Variants in DNAI1 observed in about 807,000 individuals in gnomAD.
DNAI1 encodes the protein dynein axonemal intermediate chain 1.
Under a neutral mutation model 92.0 loss-of-function variants are expected in DNAI1, and 67 were observed. That is an observed-to-expected ratio of 0.73 (90% CI 0.60 to 0.89). The LOEUF (loss-of-function observed/expected upper bound fraction) is 0.89, where lower values mean the gene tolerates loss of function less well. Among genes scored for constraint, DNAI1 ranks in the 40% least tolerant of loss-of-function variants. DNAI1 has a pLI of 0.00. For synonymous variants in DNAI1, 323 were observed against 319.6 expected (o/e 1.01, Z -0.11); for missense variants, 839 against 866.6 (o/e 0.97, Z 0.40).
At chr9:34,469,912 G>A (rs1363123432) in intron 1 of DNAI1, among the ~76,000 whole-genome samples, 1 of 152,094 alleles carries the variant, frequency 6.6e-6, no homozygotes, top group Non-Finnish European at 1.5e-5. Flanking sequence ...ACAGATGACT[G>A]TTTAAAGCAA....
At chr9:34,509,427 T>C (rs1329292160) in intron 13 of DNAI1, among the ~76,000 whole-genome samples, 1 of 152,106 alleles carries the variant, frequency 6.6e-6, no homozygotes, top group African/African-American at 2.4e-5. Context: ...GAAGCCCATA[T>C]TAAAAAGATG....
In DNAI1 at chr9:34,501,138, G is replaced by T; in HGVS notation, c.1020G>T (p.Trp340Cys). ...AKRLSVTALC[W>C]NPKYRDLFAV... Reference sequence around the variant, plus strand: ...AATGGATTCATATTTTTTTTTGCAGGAATCCAAAGTACAGGGATCTGTTTG... The same window carrying T: ...AATGGATTCATATTTTTTTTTGCAGTAATCCAAAGTACAGGGATCTGTTTG... The change falls in exon 12 of 20, where the codon TGG (tryptophan) becomes TGT (cysteine). Residue 340 changes from tryptophan to cysteine, a missense_variant and splice_region_variant. Trp to Cys is a radical substitution (Grantham distance 215). Transcript: ENST00000242317. 6.2e-7 allele frequency: 1 copy of T among 1,613,272 alleles called. No individual in the cohort carries two copies. The highest frequency in any genetic ancestry group is 1.1e-5 in the South Asian group (1 of 91,064).
At chr9:34,520,233 TCC>T (rs1297752940) in intron 19 of DNAI1, among the ~76,000 whole-genome samples, 2 of 151,990 alleles carry the variant, frequency 1.3e-5, no homozygotes, top group Non-Finnish European at 2.9e-5. Flanking sequence ...AGCCCCTCCC[TCC>T]CCAAACACAT....
intron 9 of DNAI1, among the ~76,000 whole-genome samples, chr9:34,496,736 T>C (rs1564035465): frequency 1.3e-5 from 2 of 152,170 alleles, no homozygotes; most frequent in Admixed American, 1.3e-4. Context: ...CTTTTCTGTC[T>C]CCACCAAAGA....
intron 1 of DNAI1, among the ~76,000 whole-genome samples, chr9:34,461,448 ACCT>A: frequency 6.6e-6 from 1 of 152,070 alleles, no homozygotes; most frequent in Middle Eastern, 3.4e-3. Context: ...GCCTCATCCC[ACCT>A]CCTATGCCCC....
At chr9:34,468,624 G>C (rs1351611355) in intron 1 of DNAI1, among the ~76,000 whole-genome samples, 1 of 151,884 alleles carries the variant, frequency 6.6e-6, no homozygotes, top group African/African-American at 2.4e-5. Flanking sequence ...CCAGAAGTTT[G>C]AGACCAACCT....
intron 19 of DNAI1, among the ~76,000 whole-genome samples, chr9:34,518,677 G>GGT (rs1825214929): frequency 6.6e-6 from 1 of 152,260 alleles, no homozygotes; most frequent in Non-Finnish European, 1.5e-5. Context: ...CCAGGTTGAA[G>GGT]CTGGCAGAGT....
At chr9:34,489,571 C>G in intron 5 of DNAI1, 122 bp downstream of exon 5, 1 of 1,255,942 alleles carries the variant, frequency 8.0e-7, no homozygotes, top group Non-Finnish European at 1.1e-6. Flanking sequence ...AACTCCAGGC[C>G]GGGCAGGGTG....
chr9:34,492,708 T>C (rs1824634210), intron 8 of DNAI1, among the ~76,000 whole-genome samples: 2 of 151,280 alleles, frequency 1.3e-5, no homozygotes, highest in African/African-American at 2.4e-5. Flanking sequence ...TTTGTAGAGA[T>C]GGAGTTTTTG....
In DNAI1 at chr9:34,489,337, G is replaced by A. The variant is rs140983343; in HGVS notation, c.276G>A (p.Lys92=). The stretch of plus-strand genomic sequence containing the variant: ...TCTCTTCTTAGGAAGGCACATATAA[G>A]CCTATTGGCTTTGTGAACCAACTGG... ...VRYSFKEGTY[K]PIGFVNQLAV... The change falls in exon 5 of 20, where the codon AAG becomes AAA. Residue 92 remains lysine, a synonymous_variant. Transcript: ENST00000242317. The A allele has an allele frequency of 4.9e-5, 79 of 1,613,890 alleles. No homozygotes were observed. In the African/African-American group the frequency reaches 8.8e-4, roughly 18 times the overall value.
At chr9:34,509,831 G>A (rs1361228766) in intron 13 of DNAI1, among the ~76,000 whole-genome samples, 1 of 150,450 alleles carries the variant, frequency 6.6e-6, no homozygotes, top group African/African-American at 2.5e-5. Flanking sequence ...GTGAGAAATG[G>A]CAGAAGAAAA....
intron 9 of DNAI1, among the ~76,000 whole-genome samples, chr9:34,494,174 G>C (rs559141437): frequency 7.2e-5 from 11 of 152,246 alleles, no homozygotes; most frequent in South Asian, 4.2e-4. Flanking sequence ...CTGCTCTCGG[G>C]GAAGTGGTTC....
chr9:34,501,420 A>G (rs1431529418), intron 12 of DNAI1, among the ~76,000 whole-genome samples: 2 of 152,242 alleles, frequency 1.3e-5, no homozygotes, highest in African/African-American at 4.8e-5. Flanking sequence ...AAGAGGGGAA[A>G]ACACTTCTGG....
At chr9:34,499,739 A>G (rs539733757) in intron 10 of DNAI1, among the ~76,000 whole-genome samples, 9 of 152,336 alleles carry the variant, frequency 5.9e-5, no homozygotes, top group Admixed American at 5.2e-4. Flanking sequence ...ACGATGTAGA[A>G]ACACCCAAAA....
chr9:34,516,726 G>A (rs1386110890), intron 18 of DNAI1, among the ~76,000 whole-genome samples: 1 of 140,688 alleles, frequency 7.1e-6, no homozygotes, highest in African/African-American at 2.7e-5. Flanking sequence ...AATGGTAGCT[G>A]CTATTTTCTT....
chr9:34,508,906 C>T (rs1825000456), intron 13 of DNAI1, among the ~76,000 whole-genome samples: 2 of 152,222 alleles, frequency 1.3e-5, no homozygotes, highest in South Asian at 2.1e-4. Flanking sequence ...AGAATAATGG[C>T]ATGTGACATG....
intron 7 of DNAI1, chr9:34,491,196 G>A (rs1290395604): frequency 6.2e-6 from 3 of 487,166 alleles, no homozygotes; most frequent in East Asian, 3.9e-5. Flanking sequence ...CCCTGGCCTG[G>A]CATCCTGCAG....
At chr9:34,486,556 C>T (rs1417401396) in intron 4 of DNAI1, among the ~76,000 whole-genome samples, 1 of 152,100 alleles carries the variant, frequency 6.6e-6, no homozygotes, top group Non-Finnish European at 1.5e-5. Context: ...AATGAAACCT[C>T]CCTCTCTCCC....
Position 34,512,107 on chromosome 9 carries a change from A to G in DNAI1, c.1312-2A>G, listed in dbSNP as rs1188227820. The stretch of plus-strand genomic sequence containing the variant: ...CAGAGCTCACATTTTGGGATGTTTC[A>G]GGTCAAGTGGCAGAAGGATGACATG... On this transcript the variant is annotated splice_acceptor_variant, in intron 13 of 19. Transcript: ENST00000242317. LOFTEE classifies it high-confidence loss of function. 1 of 1,613,918 alleles carries G rather than the reference A, an allele frequency of 6.2e-7. No individual in the cohort carries two copies. Among genetic ancestry groups the G allele is most frequent in the Non-Finnish European group, 8.5e-7 (1 of 1,179,896 alleles).
Sources: allele counts gnomAD v4.1 joint callset (sites outside exome capture counted in the v4.1 genomes callset), GRCh38; gene constraint gnomAD v4.1.1; transcripts MANE v1.5; gene names NCBI Gene and HGNC (gene_info 2026-07-23, HGNC 2026-07-21).